EYS: variants seen among roughly 807,000 people sequenced by gnomAD.
EYS encodes the protein EGF-like photoreceptor maintenance factor.
EYS carries 250 observed loss-of-function variants against 282.1 expected under a neutral mutation model. That is an observed-to-expected ratio of 0.89 (90% CI 0.80 to 0.98). The LOEUF is 0.98. Among genes scored for constraint, EYS ranks in the 50% least tolerant of loss-of-function variants. The pLI is 0.00. For missense variants in EYS, 4,016 were observed against 3,709.0 expected, an observed-to-expected ratio of 1.08 and a Z score of -2.15; for synonymous variants, 1,355 against 1,282.9, an observed-to-expected ratio of 1.06 and a Z score of -1.20.
rs116796410 is a variant in EYS at position 65,097,249 on chromosome 6, C to G, written c.2024-39522G>C. Among the ~76,000 whole-genome samples, 281 of 151,100 alleles carry G rather than the reference C, an allele frequency of 1.9e-3. 2 individuals carry two copies. The highest frequency in any genetic ancestry group is 6.5e-3 in the African/African-American group (269 of 41,456). On this transcript the variant is annotated intron_variant, in intron 12 of 42. Coordinates refer to ENST00000503581, the MANE Select transcript of EYS (RefSeq NM_001142800.2). ...GCCAACAGGTATATGAAAAAATGCT[C>G]AACCTCACGAATCATCAGGGAAATG...
chr6:65,071,604 T>C (rs1318945288), intron 12 of EYS, among the ~76,000 whole-genome samples: 4 of 151,800 alleles, frequency 2.6e-5, no homozygotes, highest in Admixed American at 1.3e-4. Flanking sequence ...ACAGCAACTC[T>C]AAAATTATTC....
chr6:65,030,104 C>T (rs1333516560), intron 13 of EYS, among the ~76,000 whole-genome samples: 1 of 152,074 alleles, frequency 6.6e-6, no homozygotes, highest in East Asian at 1.9e-4. Context: ...GATGTACATC[C>T]CCCAAGTCTG....
intron 26 of EYS, among the ~76,000 whole-genome samples, chr6:64,520,956 T>C (rs1777716245): frequency 6.6e-6 from 1 of 151,732 alleles, no homozygotes. Flanking sequence ...GCCAAGTTAT[T>C]TGAGCAGAGA....
Position 64,153,755 on chromosome 6 carries a change from G to T in EYS, c.6425-71753C>A, listed in dbSNP as rs1021379530. ...TTTGGAATTATCTAATATAGTCAAA[G>T]ATGTGGATACCCTTTGATACAGCAA... On this transcript the variant is annotated intron_variant, in intron 31 of 42. Coordinates refer to ENST00000503581, the MANE Select transcript of EYS (RefSeq NM_001142800.2). Among the ~76,000 whole-genome samples, 12 of 152,204 alleles carry T rather than the reference G, an allele frequency of 7.9e-5. No homozygotes were observed. The South Asian group carries it at 1.4e-3, about 18-fold the overall frequency.
intron 41 of EYS, among the ~76,000 whole-genome samples, chr6:63,754,610 G>T (rs968611749): frequency 6.6e-6 from 1 of 152,268 alleles, no homozygotes; most frequent in South Asian, 2.1e-4. Context: ...ATTTGGGTTT[G>T]TTCCAAGTCT....
intron 31 of EYS, among the ~76,000 whole-genome samples, chr6:64,196,708 C>T (rs1338531102): frequency 7.1e-6 from 1 of 140,446 alleles, no homozygotes; most frequent in African/African-American, 2.7e-5. Flanking sequence ...AACACATGGA[C>T]ACAGGAAGGG....
At chr6:65,109,745 C>A (rs181744196) in intron 12 of EYS, among the ~76,000 whole-genome samples, 1 of 152,092 alleles carries the variant, frequency 6.6e-6, no homozygotes, top group African/African-American at 2.4e-5. Context: ...AGTCCAAAGC[C>A]CACAGTGACA....
At chr6:64,848,534 G>A (rs1765783653) in intron 19 of EYS, among the ~76,000 whole-genome samples, 1 of 152,008 alleles carries the variant, frequency 6.6e-6, no homozygotes, top group Non-Finnish European at 1.5e-5. Context: ...TAACGAATGC[G>A]TGATGTTTTC....
chr6:64,807,988 C>T (rs568461983), intron 22 of EYS, among the ~76,000 whole-genome samples: 2 of 100,686 alleles, frequency 2.0e-5, no homozygotes, highest in East Asian at 5.4e-4. Context: ...CTCCCTCCGT[C>T]CTTCCCTTAC....
chr6:64,803,850 G>T (rs1187880432), intron 22 of EYS, among the ~76,000 whole-genome samples: 5 of 152,216 alleles, frequency 3.3e-5, no homozygotes, highest in Non-Finnish European at 5.9e-5. Context: ...GAGTGGGGAA[G>T]AGTCCAGGCA....
intron 26 of EYS, among the ~76,000 whole-genome samples, chr6:64,480,934 C>CT (rs1252629921): frequency 6.6e-6 from 1 of 151,336 alleles, no homozygotes; most frequent in African/African-American, 2.4e-5. Context: ...TTTTCCAAGA[C>CT]TTTTTTTTCA....
At chr6:64,846,902 G>T (rs1326654541) in intron 19 of EYS, among the ~76,000 whole-genome samples, 1 of 152,042 alleles carries the variant, frequency 6.6e-6, no homozygotes, top group East Asian at 1.9e-4. Context: ...GGACCTCAGG[G>T]TGTTTAAATA....
intron 5 of EYS, among the ~76,000 whole-genome samples, chr6:65,452,476 G>C (rs577523178): frequency 7.2e-5 from 11 of 151,830 alleles, no homozygotes; most frequent in Non-Finnish European, 1.0e-4. Context: ...TTAAATTATA[G>C]CTTGCAATGT....
chr6:64,644,981 T>C (rs1427901625), intron 22 of EYS, among the ~76,000 whole-genome samples: 1 of 152,222 alleles, frequency 6.6e-6, no homozygotes, highest in East Asian at 1.9e-4. Context: ...ATTTTATTGT[T>C]TTTTAAATCT....
chr6:65,367,050 G>A (rs538777447), intron 8 of EYS, among the ~76,000 whole-genome samples: 78 of 151,386 alleles, frequency 5.2e-4, no homozygotes, highest in Non-Finnish European at 1.0e-3. Context: ...AGTCCTTTTT[G>A]CCATGTTAGA....
chr6:65,161,569 A>G (rs1764851126), intron 12 of EYS, among the ~76,000 whole-genome samples: 1 of 151,196 alleles, frequency 6.6e-6, no homozygotes, highest in East Asian at 2.0e-4. Context: ...TTTCAAAGAA[A>G]GAAAAACAAA....
chr6:64,687,060 T>C (rs1206091433), intron 22 of EYS, among the ~76,000 whole-genome samples: 2 of 149,560 alleles, frequency 1.3e-5, no homozygotes, highest in Non-Finnish European at 3.0e-5. Context: ...AAAACCAGAG[T>C]AGTCCTCATA....
At chr6:64,557,285 G>C (rs1474751352) in intron 26 of EYS, among the ~76,000 whole-genome samples, 1 of 150,914 alleles carries the variant, frequency 6.6e-6, no homozygotes, top group East Asian at 1.9e-4. Context: ...AAGATCTCAG[G>C]ATGAGTTTAG....
chr6:64,269,942 CTGTTA>C lies in EYS; in HGVS notation c.6191+37023_6191+37027del, dbSNP rs528470235. 2.9e-3 allele frequency among the ~76,000 whole-genome samples: 443 copies of C among 152,040 alleles called. 4 individuals are homozygous for C. Among genetic ancestry groups the C allele is most frequent in the African/African-American group, 0.01 (423 of 41,540 alleles). On this transcript the variant is annotated intron_variant, in intron 30 of 42. Transcript: ENST00000503581. The stretch of plus-strand genomic sequence containing the variant: ...GACAATTCCTATTTTTTAAAAAGCT[CTGTTA>C]TAATTCTTTACAAAGGTCCAAAAGA...
Sources: gnomAD v4.1 joint callset for allele counts (sites outside exome capture counted in the v4.1 genomes callset) on GRCh38, gnomAD v4.1.1 for gene constraint, MANE v1.5 for transcripts, NCBI Gene and HGNC (gene_info 2026-07-23, HGNC 2026-07-21) for gene names.